Variants in DNTT observed in about 807,000 individuals in gnomAD.
DNTT encodes nucleosidetriphosphate:DNA deoxynucleotidylexotransferase.
Under a neutral mutation model 60.9 loss-of-function variants are expected in DNTT, and 47 were observed. The ratio of observed to expected loss-of-function variants is 0.77; its 90% CI spans 0.61 to 0.98. DNTT has a LOEUF of 0.98. DNTT is among the 50% of genes least tolerant of loss of function. The pLI is 0.00. For synonymous variants in DNTT, 224 were observed against 221.2 expected, an observed-to-expected ratio of 1.01 and a Z score of -0.11; for missense variants, 665 against 627.5, an observed-to-expected ratio of 1.06 and a Z score of -0.64.
chr10:96,305,555 A>G (rs1844623875), intron 1 of DNTT, among the ~76,000 whole-genome samples: 1 of 152,242 alleles, frequency 6.6e-6, no homozygotes, highest in Admixed American at 6.5e-5. Context: ...GGGGCTTGCA[A>G]TGAAGGAGTA....
At chr10:96,333,752 T>C (rs563187000) in intron 9 of DNTT, among the ~76,000 whole-genome samples, 1 of 152,186 alleles carries the variant, frequency 6.6e-6, no homozygotes, top group African/African-American at 2.4e-5. Flanking sequence ...TTTCTGTATA[T>C]GTAGAATCTA....
chr10:96,333,191 T>C (rs561027246), intron 9 of DNTT, among the ~76,000 whole-genome samples: 1 of 152,328 alleles, frequency 6.6e-6, no homozygotes, highest in South Asian at 2.1e-4. Flanking sequence ...AGAAGACATA[T>C]AAATGGCAAG....
At chr10:96,304,742 T>C (rs1844613941) in intron 1 of DNTT, 42 bp downstream of exon 1, 1 of 1,591,264 alleles carries the variant, frequency 6.3e-7, no homozygotes, top group Non-Finnish European at 8.6e-7. Flanking sequence ...AGCAGAGGCT[T>C]TGTGAACAGC....
rs116651276 is a variant in DNTT, at chr10:96,326,154, C to T, written c.875-1314C>T. 3.6e-3 allele frequency among the ~76,000 whole-genome samples: 549 copies of T among 151,382 alleles called. 3 individuals carry two copies. The highest frequency in any genetic ancestry group is 0.017 in the Middle Eastern group (5 of 294). On this transcript the variant is annotated intron_variant, in intron 6 of 10. Transcript: ENST00000371174. The stretch of plus-strand genomic sequence containing the variant: ...ATCCTGACTTTTGGATCGTGTATAT[C>T]ACTGCATAAGCACAGGTGTTTGTGG...
At chr10:96,306,092 ATTTT>A (rs66877330) in intron 1 of DNTT, among the ~76,000 whole-genome samples, 2 of 131,472 alleles carry the variant, frequency 1.5e-5, no homozygotes, top group African/African-American at 2.8e-5. Context: ...AAAAAAATAG[ATTTT>A]TTTTTTTTTT....
At chr10:96,313,186 G>A (rs1844740935) in intron 1 of DNTT, among the ~76,000 whole-genome samples, 1 of 152,186 alleles carries the variant, frequency 6.6e-6, no homozygotes, top group African/African-American at 2.4e-5. Flanking sequence ...CAAGAAATTA[G>A]GAGAAGATTG....
intron 10 of DNTT, among the ~76,000 whole-genome samples, chr10:96,337,492 T>C (rs1845087452): frequency 6.6e-6 from 1 of 152,230 alleles, no homozygotes; most frequent in Admixed American, 6.5e-5. Flanking sequence ...GAAGGCAGAT[T>C]CACATAGTAC....
At chr10:96,311,534 AATTC>A (rs1481094433) in intron 1 of DNTT, among the ~76,000 whole-genome samples, 1 of 152,258 alleles carries the variant, frequency 6.6e-6, no homozygotes, top group East Asian at 1.9e-4. Flanking sequence ...TCTGTGAGTT[AATTC>A]CATAACCCAG....
chr10:96,338,067 C>T, intron 10 of DNTT, 71 bp from the exon 11 acceptor site: 2 of 1,354,418 alleles, frequency 1.5e-6, no homozygotes, highest in Admixed American at 2.1e-5. Flanking sequence ...ATAAGTAACA[C>T]TTTCACTGTG....
Position 96,304,606 on chromosome 10 carries a change from G to C in DNTT, c.109G>C (p.Val37Leu), listed in dbSNP as rs112589253. Residue 37 changes from valine to leucine, a missense_variant, in exon 1 of 11, where the codon GTC becomes CTC. Transcript: ENST00000371174. ...PQDIKFQDLV[V>L]FILEKKMGTT... ...AGACATCAAATTTCAAGATTTGGTC[G>C]TCTTCATTTTGGAGAAGAAAATGGG... is the stretch of plus-strand genomic sequence containing the variant. 42 of 1,614,164 alleles carry C rather than the reference G, an allele frequency of 2.6e-5. No homozygotes were observed. Among genetic ancestry groups the C allele is most frequent in the Non-Finnish European group, 3.6e-5 (42 of 1,180,022 alleles).
chr10:96,317,544 C>A (rs1421464714), intron 1 of DNTT, among the ~76,000 whole-genome samples: 3 of 152,110 alleles, frequency 2.0e-5, no homozygotes, highest in Non-Finnish European at 4.4e-5. Flanking sequence ...CCCCAAAATT[C>A]ATAAATTGAA....
intron 1 of DNTT, among the ~76,000 whole-genome samples, chr10:96,313,640 T>C (rs146321593): frequency 5.2e-4 from 79 of 152,316 alleles, no homozygotes; most frequent in Non-Finnish European, 8.1e-4. Flanking sequence ...AGTAAGAATA[T>C]GTGCACATGT....
At position 96,307,699 on chromosome 10, in the gene DNTT, GTGTGTGTATA is replaced by G. The variant is rs1407578573; in HGVS notation, c.203+3001_203+3010del. ...AGCATATATATATGTATGTGTGTGT[GTGTGTGTATA>G]TATATATATATATATATATATATAA... On this transcript the variant is annotated intron_variant, in intron 1 of 10. Coordinates refer to ENST00000371174, the MANE Select transcript of DNTT (RefSeq NM_004088.4). Among the ~76,000 whole-genome samples the G allele has an allele frequency of 2.8e-4, 19 of 68,890 alleles. 1 individual carries two copies. Among genetic ancestry groups the G allele is most frequent in the Admixed American group, 1.8e-3 (11 of 6,080 alleles). 45.2% of individuals were successfully genotyped at this position (68,890 alleles called of 152,430 possible).
chr10:96,328,682 A>G, intron 7 of DNTT, 43 bp from the exon 8 acceptor site: 1 of 1,579,036 alleles, frequency 6.3e-7, no homozygotes, highest in Non-Finnish European at 8.7e-7. Flanking sequence ...AATGAAGACT[A>G]ATATCTAATT....
intron 1 of DNTT, among the ~76,000 whole-genome samples, chr10:96,305,173 G>C (rs1486310907): frequency 1.3e-5 from 2 of 152,174 alleles, no homozygotes; most frequent in Non-Finnish European, 2.9e-5. Flanking sequence ...TGACTAGCCA[G>C]CTTACCACAG....
rs1344590170 is a variant in DNTT, at chr10:96,322,693, G to T, written c.715G>T (p.Ala239Ser). ...AGATGGAGAAAGTTCTGAAGTTAAA[G>T]CTGTGTTAAATGATGAACGATATCA... ...IEDGESSEVK[A>S]VLNDERYQSF... The change falls in exon 5 of 11, where the codon GCT (alanine) becomes TCT (serine). Residue 239 changes from alanine (A) to serine (S), a missense_variant. Coordinates refer to ENST00000371174, the MANE Select transcript of DNTT (RefSeq NM_004088.4). 47 of 1,602,654 alleles carry T rather than the reference G, an allele frequency of 2.9e-5. No individual in the cohort carries two copies. In the Admixed American group the frequency reaches 7.9e-4, roughly 27 times the overall value.
At position 96,318,334 on chromosome 10, in the gene DNTT, CTG is replaced by C. The variant is rs771819822; in HGVS notation, c.204-16_204-15del. The C allele has an allele frequency of 1.3e-6, 2 of 1,595,352 alleles. No homozygotes were observed. Among genetic ancestry groups the C allele is most frequent in the Non-Finnish European group, 8.6e-7 (1 of 1,167,990 alleles). ...TTGAAAGATGTTTCAGCTGGTAACT[CTG>C]TCTTGCATTTTGCAGTGATTCTGTC... On this transcript the variant is annotated splice_polypyrimidine_tract_variant and intron_variant, in intron 1 of 10. Coordinates refer to ENST00000371174, the MANE Select transcript of DNTT (RefSeq NM_004088.4).
At chr10:96,312,202 G>A (rs1844728060) in intron 1 of DNTT, among the ~76,000 whole-genome samples, 1 of 152,158 alleles carries the variant, frequency 6.6e-6, no homozygotes, top group African/African-American at 2.4e-5. Context: ...ATCTAGGCTG[G>A]GGCAGTTCAA....
intron 9 of DNTT, among the ~76,000 whole-genome samples, chr10:96,335,063 C>T (rs12258610): frequency 0.095 from 14,518 of 152,182 alleles, 1,721 homozygotes; most frequent in African/African-American, 0.28. Context: ...GGTGAGCTTT[C>T]CTAAAATAGC....
Sources: allele counts gnomAD v4.1 joint callset (sites outside exome capture counted in the v4.1 genomes callset), GRCh38; gene constraint gnomAD v4.1.1; transcripts MANE v1.5; gene names NCBI Gene and HGNC (gene_info 2026-07-23, HGNC 2026-07-21).